SAMD4A: variants seen among roughly 807,000 people sequenced by gnomAD.
The protein encoded by SAMD4A is protein Smaug homolog 1.
SAMD4A carries 33 observed loss-of-function variants against 81.3 expected under a neutral mutation model. The observed-to-expected ratio is 0.41, with a 90% CI of 0.31 to 0.54. The LOEUF (loss-of-function observed/expected upper bound fraction) is 0.54. Ranked by LOEUF, SAMD4A falls within the 20% of genes least tolerant of loss-of-function variation. SAMD4A has a pLI of 0.37. For missense variants in SAMD4A, 854 were observed against 951.1 expected (o/e 0.90, Z 1.34); for synonymous variants, 389 against 382.1 (o/e 1.02, Z -0.21).
chr14:54,695,399 C>G (rs1267436073), intron 2 of SAMD4A, among the ~76,000 whole-genome samples: 1 of 152,216 alleles, frequency 6.6e-6, no homozygotes, highest in Non-Finnish European at 1.5e-5. Context: ...CTGAACTCCT[C>G]CCCATACAGG....
At chr14:54,568,166 C>T (rs1292014414) in intron 2 of SAMD4A, 54 bp downstream of exon 2, 10 of 1,389,340 alleles carry the variant, frequency 7.2e-6, no homozygotes, top group Non-Finnish European at 8.4e-6. Context: ...CCCGCTCCTC[C>T]CTCCGCTTCT....
intron 2 of SAMD4A, among the ~76,000 whole-genome samples, chr14:54,639,566 G>A (rs540758128): frequency 2.6e-5 from 4 of 152,322 alleles, no homozygotes; most frequent in South Asian, 2.1e-4. Flanking sequence ...CAGCCCAGGT[G>A]GCCTGTTACG....
intron 2 of SAMD4A, chr14:54,685,632 G>A (rs749664754): frequency 2.5e-4 from 111 of 449,752 alleles, no homozygotes; most frequent in Non-Finnish European, 2.4e-4. Context: ...TAGCCAAATG[G>A]TTAGAAGTTG....
At chr14:54,699,592 G>C (rs899513097) in intron 2 of SAMD4A, among the ~76,000 whole-genome samples, 1 of 152,040 alleles carries the variant, frequency 6.6e-6, no homozygotes, top group African/African-American at 2.4e-5. Context: ...TTCAAAAAAA[G>C]GAAAAATGGC....
At chr14:54,682,591 T>C (rs1319627316) in intron 2 of SAMD4A, among the ~76,000 whole-genome samples, 1 of 152,266 alleles carries the variant, frequency 6.6e-6, no homozygotes, top group South Asian at 2.1e-4. Flanking sequence ...CATTTACTTA[T>C]GCATACCTCA....
intron 2 of SAMD4A, among the ~76,000 whole-genome samples, chr14:54,626,530 G>A (rs932047894): frequency 2.6e-5 from 4 of 152,170 alleles, no homozygotes; most frequent in Non-Finnish European, 5.9e-5. Context: ...TTGTGGATAC[G>A]TTGCTGATTG....
At chr14:54,688,669 T>TA (rs915342599) in intron 2 of SAMD4A, among the ~76,000 whole-genome samples, 27 of 151,604 alleles carry the variant, frequency 1.8e-4, no homozygotes, top group African/African-American at 4.8e-4. Context: ...ATTGTTGACT[T>TA]AAAAAAAAAT....
rs1262018529 is a variant in SAMD4A at position 54,791,678 on chromosome 14, G to A, written c.*2734G>A. On this transcript the variant is annotated 3_prime_UTR_variant, in exon 13 of 13. Coordinates refer to ENST00000554335, the MANE Select transcript of SAMD4A (RefSeq NM_015589.6). ...TTTTAATTTTTTTTTTAAGTTGAGT[G>A]TTTGATAAATTTTAAGACCCTGTCC... The A allele has an allele frequency of 1.3e-5, 2 of 151,898 alleles. No homozygotes were observed. The highest frequency in any genetic ancestry group is 2.9e-5 in the Non-Finnish European group (2 of 67,958). 9.4% of individuals were successfully genotyped at this position (151,898 alleles called of 1,614,324 possible).
chr14:54,738,307 C>T (rs1208578775), intron 4 of SAMD4A, among the ~76,000 whole-genome samples: 1 of 152,184 alleles, frequency 6.6e-6, no homozygotes, highest in Non-Finnish European at 1.5e-5. Flanking sequence ...GAAAGCATGC[C>T]CATGACTGCC....
At chr14:54,681,746 T>C (rs1279350651) in intron 2 of SAMD4A, 4 of 981,206 alleles carry the variant, frequency 4.1e-6, no homozygotes, top group Non-Finnish European at 4.8e-6. Flanking sequence ...AGAAAACTTT[T>C]TTATTTTAAT....
chr14:54,700,306 C>T (rs1359363988), intron 2 of SAMD4A, among the ~76,000 whole-genome samples: 1 of 152,164 alleles, frequency 6.6e-6, no homozygotes, highest in Non-Finnish European at 1.5e-5. Flanking sequence ...AGTAACTTAC[C>T]AAGGTTCTAC....
chr14:54,718,540 G>GT (rs1005625680), intron 3 of SAMD4A, among the ~76,000 whole-genome samples: 1 of 151,504 alleles, frequency 6.6e-6, no homozygotes, highest in African/African-American at 2.4e-5. Context: ...CTGCAGGCTA[G>GT]TTTTTTTGGG....
At position 54,775,208 on chromosome 14, in the gene SAMD4A, A is replaced by C. The variant is rs547109779; in HGVS notation, c.1917+73A>C. On this transcript the variant is annotated intron_variant, in intron 10 of 12. Coordinates refer to ENST00000554335, the MANE Select transcript of SAMD4A (RefSeq NM_015589.6). ...AAGGCTGCAGATGTCCCCCCAGGTG[A>C]CCCCAGGGTGGGGAGAGAGGCCAAA... 4 of 1,573,536 alleles carry C rather than the reference A, an allele frequency of 2.5e-6. No homozygotes were observed. The East Asian group carries it at 9.0e-5, about 35-fold the overall frequency.
At chr14:54,598,335 T>C (rs572164282) in intron 2 of SAMD4A, among the ~76,000 whole-genome samples, 3 of 152,340 alleles carry the variant, frequency 2.0e-5, no homozygotes, top group East Asian at 1.9e-4. Flanking sequence ...TATATACATG[T>C]AGTTACATGC....
chr14:54,736,938 C>T (rs1031038923), intron 3 of SAMD4A, 86 bp from the exon 4 acceptor site: 4 of 1,472,102 alleles, frequency 2.7e-6, no homozygotes, highest in Admixed American at 1.7e-5. Context: ...AGTGGTATCT[C>T]TCAGGGTTAA....
chr14:54,723,990 T>TCAGA (rs1228725243), intron 3 of SAMD4A, among the ~76,000 whole-genome samples: 3 of 88,394 alleles, frequency 3.4e-5, no homozygotes, highest in Non-Finnish European at 8.2e-5. Flanking sequence ...TCAGCAAATA[T>TCAGA]TGGATGGATG....
At chr14:54,738,994 ACTGT>A (rs1033394841) in intron 4 of SAMD4A, among the ~76,000 whole-genome samples, 10 of 149,940 alleles carry the variant, frequency 6.7e-5, no homozygotes, top group African/African-American at 2.5e-4. Context: ...TGCTGATTCC[ACTGT>A]CTGGTTTTTG....
At chr14:54,669,109 G>T (rs1036888736) in intron 2 of SAMD4A, among the ~76,000 whole-genome samples, 1 of 152,232 alleles carries the variant, frequency 6.6e-6, no homozygotes, top group African/African-American at 2.4e-5. Context: ...AGGAGGCGCA[G>T]CCACAGGGCT....
chr14:54,606,167 A>G (rs1414058991), intron 2 of SAMD4A, among the ~76,000 whole-genome samples: 2 of 146,964 alleles, frequency 1.4e-5, no homozygotes, highest in African/African-American at 5.2e-5. Context: ...TCATTCCTCT[A>G]TGTCTTACTT....
Sources: allele counts gnomAD v4.1 joint callset (sites outside exome capture counted in the v4.1 genomes callset), GRCh38; gene constraint gnomAD v4.1.1; transcripts MANE v1.5; gene names NCBI Gene and HGNC (gene_info 2026-07-23, HGNC 2026-07-21).